The following SOX13 variants were observed in gnomAD, a reference collection of about 807,000 sequenced individuals.
SOX13 encodes transcription factor SOX-13.
SOX13 carries 28 observed loss-of-function variants against 71.8 expected under a neutral mutation model. That is an observed-to-expected ratio of 0.39 (90% confidence interval 0.29 to 0.53). The LOEUF is 0.53. SOX13 is among the 20% of genes least tolerant of loss of function. The pLI, the probability that SOX13 is intolerant of heterozygous loss-of-function variation, is 0.70. For missense variants in SOX13, 627 were observed against 810.3 expected (o/e 0.77, Z 2.75); for synonymous variants, 309 against 317.8 (o/e 0.97, Z 0.29).
chr1:204,088,411 G>A (rs1311008144), intron 1 of SOX13, among the ~76,000 whole-genome samples: 1 of 152,222 alleles, frequency 6.6e-6, no homozygotes, highest in Non-Finnish European at 1.5e-5. Flanking sequence ...AGAAAGAGCA[G>A]CAGGGACACT....
At chr1:204,077,792 CTTTTG>C (rs949528026) in intron 1 of SOX13, among the ~76,000 whole-genome samples, 2 of 152,016 alleles carry the variant, frequency 1.3e-5, no homozygotes, top group Non-Finnish European at 1.5e-5. Context: ...TCGTGAATTA[CTTTTG>C]TTTGTTTGTT....
At position 204,080,509 on chromosome 1, in the gene SOX13, G is replaced by A. The variant is rs1655880296; in HGVS notation, c.-2+6798G>A. On this transcript the variant is annotated intron_variant, in intron 1 of 13. Coordinates refer to ENST00000367204, the MANE Select transcript of SOX13 (RefSeq NM_005686.3). ...GCTCCCTGGGGGATCCGCCCCAGAG[G>A]AGGCCCGACTGTTCTCCTCCCCTCT... 2.6e-5 allele frequency among the ~76,000 whole-genome samples: 4 copies of A among 152,250 alleles called. No individual in the cohort carries two copies. The South Asian group carries it at 8.3e-4, about 32-fold the overall frequency.
At position 204,112,985 on chromosome 1, in the gene SOX13, A is replaced by G. The variant is rs1168226286; in HGVS notation, c.70A>G (p.Ile24Val). 2 of 1,613,496 alleles carry G rather than the reference A, an allele frequency of 1.2e-6. No individual in the cohort carries two copies. The highest frequency in any genetic ancestry group is 1.3e-5 in the African/African-American group (1 of 74,936). ...DGVGTMVNCT[I>V]KSEEKKEPCH... ...CGTTGGCACCATGGTGAACTGCACC[A>G]TCAAGTCAGAGGAGAAGAAAGAGCC... is the stretch of plus-strand genomic sequence containing the variant. The change falls in exon 2 of 14, where the codon ATC becomes GTC. Residue 24 changes from isoleucine to valine, a missense_variant. Around this residue, in one of 3 missense-constraint regions of SOX13, gnomAD observed 447 missense variants for 532.2 expected, o/e 0.84. Transcript: ENST00000367204.
At chr1:204,083,781 C>T (rs1655958828) in intron 1 of SOX13, among the ~76,000 whole-genome samples, 1 of 152,122 alleles carries the variant, frequency 6.6e-6, no homozygotes, top group Non-Finnish European at 1.5e-5. Context: ...TGGGCTGGGG[C>T]TGAAAGACCA....
At chr1:204,080,946 G>A (rs1571563673) in intron 1 of SOX13, among the ~76,000 whole-genome samples, 1 of 119,986 alleles carries the variant, frequency 8.3e-6, no homozygotes, top group South Asian at 2.7e-4. Context: ...TTTCACTCTT[G>A]TTGGCCAGGC....
At chr1:204,108,347 T>C (rs1327117244) in intron 1 of SOX13, among the ~76,000 whole-genome samples, 1 of 152,174 alleles carries the variant, frequency 6.6e-6, no homozygotes, top group Non-Finnish European at 1.5e-5. Flanking sequence ...CTGGCTGCAT[T>C]ATAAGTGCTT....
At chr1:204,111,200 A>G (rs901596666) in intron 1 of SOX13, among the ~76,000 whole-genome samples, 7 of 152,262 alleles carry the variant, frequency 4.6e-5, no homozygotes, top group African/African-American at 1.2e-4. Flanking sequence ...TGGTGCCACA[A>G]ACTATTCTAA....
rs1006692763 is a variant in SOX13, at chr1:204,073,805, C to T, written c.-2+94C>T. 2.0e-5 allele frequency: 3 copies of T among 152,294 alleles called. No individual in the cohort carries two copies. Among genetic ancestry groups the T allele is most frequent in the African/African-American group, 7.2e-5 (3 of 41,454 alleles). The allele number at this position is 152,294 out of a possible 1,614,324, so 9.4% of individuals were successfully genotyped here. A position where few individuals can be genotyped will look rare whatever the true frequency, so the allele number is the denominator to read the frequency against. ...CTTGCGCCCCTACGTTTCTGGGCAC[C>T]CACCGGCTCTCTTCCCTGCGAGTTT... On this transcript the variant is annotated intron_variant, in intron 1 of 13. Transcript: ENST00000367204. This position sits in a 1 kb window ranked among gnomAD's most constrained non-coding sequence, Gnocchi z 6.8.
chr1:204,124,386 AGT>A (rs1656875621), intron 12 of SOX13, among the ~76,000 whole-genome samples: 1 of 152,244 alleles, frequency 6.6e-6, no homozygotes, highest in East Asian at 1.9e-4. Flanking sequence ...GGCTCAAGGA[AGT>A]TGCTGGATTG....
chr1:204,076,064 CTT>C (rs1158413048), intron 1 of SOX13, among the ~76,000 whole-genome samples: 1 of 152,164 alleles, frequency 6.6e-6, no homozygotes, highest in East Asian at 1.9e-4. Flanking sequence ...CTTCTCGAGT[CTT>C]TTTTCTTTTT....
Position 204,123,960 on chromosome 1 carries a change from C to T in SOX13, c.1375+156C>T, listed in dbSNP as rs1656865572. On this transcript the variant is annotated intron_variant, in intron 12 of 13. Transcript: ENST00000367204. The surrounding 1 kb of genome is among the most constrained non-coding windows in gnomAD (Gnocchi z 5.0). ...GGAGTTGCTGGGGATGTGAGGGCAG[C>T]TGGGTCCTGGGGTCTTATATCACTG... 6.6e-6 allele frequency among the ~76,000 whole-genome samples: 1 copy of T among 152,170 alleles called. No homozygotes were observed.
At position 204,126,214 on chromosome 1, in the gene SOX13, G is replaced by C; in HGVS notation, c.*80G>C. 1 of 1,448,316 alleles carries C rather than the reference G, an allele frequency of 6.9e-7. No individual in the cohort carries two copies. Among genetic ancestry groups the C allele is most frequent in the South Asian group, 1.3e-5 (1 of 77,458 alleles). The allele number at this position is 1,448,316 out of a possible 1,614,324, so 89.7% of individuals were successfully genotyped here. A position where few individuals can be genotyped will look rare whatever the true frequency, so the allele number is the denominator to read the frequency against. Reference sequence around the variant, plus strand: ...CGATGGGCACAGCCAGCCAACCTAAGACTATGTTGGTACTTGGACTTGTTC... The same window carrying C: ...CGATGGGCACAGCCAGCCAACCTAACACTATGTTGGTACTTGGACTTGTTC... On this transcript the variant is annotated 3_prime_UTR_variant, in exon 14 of 14. Coordinates refer to ENST00000367204, the MANE Select transcript of SOX13 (RefSeq NM_005686.3).
At chr1:204,083,691 C>T (rs1655956615) in intron 1 of SOX13, among the ~76,000 whole-genome samples, 1 of 152,172 alleles carries the variant, frequency 6.6e-6, no homozygotes. Context: ...ATGTTGGGGA[C>T]TGCGGGGGCC....
chr1:204,083,618 C>T (rs966946163), intron 1 of SOX13, among the ~76,000 whole-genome samples: 1 of 152,146 alleles, frequency 6.6e-6, no homozygotes, highest in African/African-American at 2.4e-5. Flanking sequence ...TTTAAGCAGC[C>T]GCGGGGCCTT....
At chr1:204,087,459 C>G (rs956789989) in intron 1 of SOX13, among the ~76,000 whole-genome samples, 1 of 152,214 alleles carries the variant, frequency 6.6e-6, no homozygotes, top group East Asian at 1.9e-4. Context: ...AGTAGGCCCC[C>G]CTGTCCCACC....
chr1:204,099,246 G>A (rs972993128), intron 1 of SOX13, among the ~76,000 whole-genome samples: 6 of 152,132 alleles, frequency 3.9e-5, no homozygotes, highest in Admixed American at 6.6e-5. Flanking sequence ...GCCTCCTTAG[G>A]CCTCTGTGTC....
chr1:204,087,784 C>T (rs1369138124), intron 1 of SOX13, among the ~76,000 whole-genome samples: 1 of 152,216 alleles, frequency 6.6e-6, no homozygotes, highest in African/African-American at 2.4e-5. Flanking sequence ...CACTTTGCCA[C>T]AGCCCCGCAC....
chr1:204,101,685 T>C (rs1004202265), intron 1 of SOX13, among the ~76,000 whole-genome samples: 1 of 151,870 alleles, frequency 6.6e-6, no homozygotes, highest in Non-Finnish European at 1.5e-5. Flanking sequence ...ATCAGTTCTC[T>C]AGCAAGCATA....
At chr1:204,098,143 G>A (rs962420294) in intron 1 of SOX13, among the ~76,000 whole-genome samples, 1 of 152,164 alleles carries the variant, frequency 6.6e-6, no homozygotes, top group Non-Finnish European at 1.5e-5. Flanking sequence ...TTACAGATGT[G>A]AGTCACCATC....
Sources: gnomAD v4.1 joint callset for allele counts (sites outside exome capture counted in the v4.1 genomes callset) on GRCh38, gnomAD v4.1.1 for gene constraint, gnomAD v4.1.1 regional missense constraint, Gnocchi (gnomAD v3.1) non-coding constraint, MANE v1.5 for transcripts, NCBI Gene and HGNC (gene_info 2026-07-23, HGNC 2026-07-21) for gene names.